Variants in DUOX1 observed in about 807,000 individuals in gnomAD.
The protein encoded by DUOX1 is dual oxidase 1.
DUOX1 carries 134 observed loss-of-function variants against 181.8 expected under a neutral mutation model. The observed-to-expected ratio is 0.74, with a 90% confidence interval of 0.64 to 0.85. DUOX1 has a LOEUF of 0.85. DUOX1 is among the 40% of genes least tolerant of loss of function. The probability of loss-of-function intolerance (pLI) is 0.00; values close to 1 mark genes in which losing one functional copy is unlikely to be tolerated. For missense variants in DUOX1, 1,814 were observed against 2,064.4 expected, an observed-to-expected ratio of 0.88 and a Z score of 2.35; for synonymous variants, 798 against 832.5, an observed-to-expected ratio of 0.96 and a Z score of 0.71.
At position 45,135,380 on chromosome 15, in the gene DUOX1, G is replaced by C. The variant is rs1023983211; in HGVS notation, c.495+89G>C. ...CTGGCAGGGCCTGGAGGGGAGAGGC[G>C]CCCACTCCCCAGCCGCGGACACCCG... On this transcript the variant is annotated intron_variant, in intron 5 of 33. Coordinates refer to ENST00000389037, the MANE Select transcript of DUOX1 (RefSeq NM_175940.3). The C allele has an allele frequency of 6.0e-6, 9 of 1,494,978 alleles. No homozygotes were observed. In the African/African-American group the frequency reaches 1.1e-4, roughly 19 times the overall value. 92.6% of individuals were successfully genotyped at this position (1,494,978 alleles called of 1,614,324 possible).
rs1428166240 is a variant in DUOX1, at chr15:45,136,634, G to A, written c.1022+9G>A. ...CCTGGCGTCTACATGAGGTGAGGGA[G>A]GGGCTCAAAGGTGTGTGTGCTGGGA... On this transcript the variant is annotated intron_variant, in intron 9 of 33. Coordinates refer to ENST00000389037, the MANE Select transcript of DUOX1 (RefSeq NM_175940.3). The A allele has an allele frequency of 1.9e-6, 3 of 1,613,586 alleles. No individual in the cohort carries two copies. Among genetic ancestry groups the A allele is most frequent in the Middle Eastern group, 1.7e-4 (1 of 6,028 alleles).
Position 45,139,591 on chromosome 15 carries a change from A to G in DUOX1, c.1381A>G (p.Asn461Asp). ...CATCAACCCTGCACTCTCCCGGAGC[A>G]ATGACACTGTGAGGAGGGGTCAGGA... ...QDINPALSRSNDTVLEATAAL... is the reference protein window; with the variant it reads ...QDINPALSRSDDTVLEATAAL... Residue 461 changes from asparagine to aspartate, a missense_variant, in exon 12 of 34, where the codon AAT becomes GAT. By Grantham distance (23) the Asn-to-Asp change is conservative. Coordinates refer to ENST00000389037, the MANE Select transcript of DUOX1 (RefSeq NM_175940.3). 1 of 1,585,260 alleles carries G rather than the reference A, an allele frequency of 6.3e-7. No individual in the cohort carries two copies.
intron 10 of DUOX1, among the ~76,000 whole-genome samples, chr15:45,138,454 AG>A (rs1896395506): frequency 6.6e-6 from 1 of 152,072 alleles, no homozygotes; most frequent in African/African-American, 2.4e-5. Context: ...CGTATGTGTG[AG>A]GGGGGTGGGG....
chr15:45,146,136 G>C (rs1234713448), intron 18 of DUOX1, among the ~76,000 whole-genome samples: 1 of 152,180 alleles, frequency 6.6e-6, no homozygotes, highest in Non-Finnish European at 1.5e-5. Flanking sequence ...AGGACTTAAA[G>C]TTGGACAAGT....
chr15:45,162,075 A>G lies in DUOX1; in HGVS notation c.4089+105A>G. 5 of 1,455,136 alleles carry G rather than the reference A, an allele frequency of 3.4e-6. No homozygotes were observed. In the East Asian group the frequency reaches 7.3e-5, roughly 21 times the overall value. 90.1% of individuals were successfully genotyped at this position (1,455,136 alleles called of 1,614,324 possible). ...CTCTGTGCCTCCCCTCTCTGCATCTAGAGACTGGTTGTTCCAGATAATGCC... is the reference window on the plus strand; with the variant it reads ...CTCTGTGCCTCCCCTCTCTGCATCTGGAGACTGGTTGTTCCAGATAATGCC... On this transcript the variant is annotated intron_variant, in intron 30 of 33. Transcript: ENST00000389037.
chr15:45,136,213 C>T, intron 7 of DUOX1, 137 bp from the exon 8 acceptor site: 1 of 1,425,742 alleles, frequency 7.0e-7, no homozygotes, highest in Non-Finnish European at 9.6e-7. Context: ...CCTCACACTG[C>T]TCCTGTTTGA....
chr15:45,135,681 G>A lies in DUOX1; in HGVS notation c.697+6G>A. The A allele has an allele frequency of 4.1e-6, 6 of 1,460,726 alleles. No homozygotes were observed. The East Asian group carries it at 1.0e-4, about 24-fold the overall frequency. 90.5% of individuals were successfully genotyped at this position (1,460,726 alleles called of 1,614,324 possible). ...CGGGCCCCGGGGGCTGTACGGTGAG[G>A]CCACAGGGGCGGGACGGGGCCGGCT... On this transcript the variant is annotated splice_donor_region_variant and intron_variant, in intron 6 of 33. Coordinates refer to ENST00000389037, the MANE Select transcript of DUOX1 (RefSeq NM_175940.3).
intron 28 of DUOX1, among the ~76,000 whole-genome samples, chr15:45,156,598 A>T (rs540698271): frequency 2.0e-4 from 31 of 152,086 alleles, no homozygotes; most frequent in African/African-American, 7.5e-4. Context: ...ATGCCTGGCT[A>T]ATTTTTGTAT....
intron 18 of DUOX1, among the ~76,000 whole-genome samples, chr15:45,146,319 T>G (rs1263246646): frequency 6.6e-6 from 1 of 152,114 alleles, no homozygotes; most frequent in Non-Finnish European, 1.5e-5. Context: ...TTAAAGTCAT[T>G]TGAGGACAAA....
In DUOX1 at chr15:45,133,894, A is replaced by G; in HGVS notation, c.89A>G (p.Gln30Arg). The G allele has an allele frequency of 6.2e-7, 1 of 1,613,874 alleles. No individual in the cohort carries two copies. The highest frequency in any genetic ancestry group is 1.7e-4 in the Middle Eastern group (1 of 6,050). ...CAGAACCCCATTTCGTGGGAGGTGC[A>G]GCGATTTGATGGGTGGTACAACAAC... ...GAQNPISWEV[Q>R]RFDGWYNNLM... The change falls in exon 3 of 34, where the codon CAG becomes CGG. Residue 30 changes from glutamine to arginine, a missense_variant. Gln to Arg is a conservative substitution (Grantham distance 43). Around this residue, in one of 5 missense-constraint regions of DUOX1, gnomAD observed 320 missense variants for 313.1 expected, o/e 1.02. Transcript: ENST00000389037.
rs1024047413 is a variant in DUOX1, at chr15:45,152,590, C to G, written c.3424+74C>G. 2.2e-6 allele frequency: 3 copies of G among 1,354,348 alleles called. No individual in the cohort carries two copies. In the African/African-American group the frequency reaches 4.3e-5, roughly 19 times the overall value. The allele number at this position is 1,354,348 out of a possible 1,614,324, so 83.9% of individuals were successfully genotyped here. The stretch of plus-strand genomic sequence containing the variant: ...CTGACTTCCCCTCGTATGAGAGCCC[C>G]CCTCTCTGCTGGCACTTACCTTTAA... On this transcript the variant is annotated intron_variant, in intron 25 of 33. Coordinates refer to ENST00000389037, the MANE Select transcript of DUOX1 (RefSeq NM_175940.3).
At chr15:45,148,615 T>G (rs1376719681) in intron 21 of DUOX1, 168 bp downstream of exon 21, 26 of 539,406 alleles carry the variant, frequency 4.8e-5, no homozygotes, top group Non-Finnish European at 7.6e-5. Flanking sequence ...GTAGTTTTCT[T>G]TATATCAACA....
chr15:45,136,846 TC>T (rs144582032), intron 9 of DUOX1, among the ~76,000 whole-genome samples: 2,269 of 151,666 alleles, frequency 0.015, 52 homozygotes, highest in African/African-American at 0.052. Context: ...GATATTACCC[TC>T]CCCCCCACCA....
In DUOX1 at chr15:45,135,597, C is replaced by T. The variant is rs747131677; in HGVS notation, c.619C>T (p.Arg207Ter). Residue 207 changes from arginine to a stop codon, truncating the protein, a stop_gained, in exon 6 of 34, where the codon CGA becomes TGA. Coordinates refer to ENST00000389037, the MANE Select transcript of DUOX1 (RefSeq NM_175940.3). LOFTEE classifies it high-confidence loss of function. ...LASGPDPAFP[R>*]DSQNPLLMWA... is the part of the protein sequence containing the mutation. ...GTCGGGGCCCGACCCCGCTTTTCCCCGAGACTCGCAGAACCCCCTGCTCAT... is the reference window on the plus strand; with the variant it reads ...GTCGGGGCCCGACCCCGCTTTTCCCTGAGACTCGCAGAACCCCCTGCTCAT... 3.8e-6 allele frequency: 6 copies of T among 1,564,466 alleles called. No homozygotes were observed. Among genetic ancestry groups the T allele is most frequent in the South Asian group, 1.2e-5 (1 of 85,598 alleles).
chr15:45,140,557 T>C (rs931747194), intron 12 of DUOX1: 3 of 223,986 alleles, frequency 1.3e-5, no homozygotes. Context: ...AGAAACCTTT[T>C]ATAACACATC....
intron 4 of DUOX1, 58 bp from the exon 5 acceptor site, chr15:45,135,046 G>A: frequency 1.3e-6 from 2 of 1,586,426 alleles, no homozygotes; most frequent in Admixed American, 1.8e-5. Flanking sequence ...GGATACCTAG[G>A]GTAAGAAGGA....
rs369526510 is a variant in DUOX1 at position 45,139,903 on chromosome 15, A to G, written c.1389+304A>G. 1.7e-5 allele frequency: 10 copies of G among 593,342 alleles called. No individual in the cohort carries two copies. In the East Asian group the frequency reaches 2.2e-4, roughly 13 times the overall value. 36.8% of individuals were successfully genotyped at this position (593,342 alleles called of 1,614,324 possible). A position where few individuals can be genotyped will look rare whatever the true frequency, so the allele number is the denominator to read the frequency against. On this transcript the variant is annotated intron_variant, in intron 12 of 33. Transcript: ENST00000389037. Reference sequence around the variant, plus strand: ...TCTCCACCCTCCTGAGTGGGTATAGAAGGTCCTTGACTTAGGAACAATCTG... The same window carrying G: ...TCTCCACCCTCCTGAGTGGGTATAGGAGGTCCTTGACTTAGGAACAATCTG...
intron 23 of DUOX1, 133 bp downstream of exon 23, chr15:45,151,381 A>T: frequency 1.7e-6 from 2 of 1,164,068 alleles, no homozygotes; most frequent in Non-Finnish European, 2.4e-6. Context: ...GCCCAAGAAC[A>T]TCACAATCTA....
chr15:45,163,231 G>C (rs540071729), intron 31 of DUOX1, among the ~76,000 whole-genome samples: 2 of 152,178 alleles, frequency 1.3e-5, no homozygotes, highest in Non-Finnish European at 1.5e-5. Context: ...ACCACTGGAG[G>C]GAGCTGTAGG....
Sources: gnomAD v4.1 joint callset for allele counts (sites outside exome capture counted in the v4.1 genomes callset) on GRCh38, gnomAD v4.1.1 for gene constraint, gnomAD v4.1.1 regional missense constraint, MANE v1.5 for transcripts, NCBI Gene and HGNC (gene_info 2026-07-23, HGNC 2026-07-21) for gene names.